ERICH1: variants seen among roughly 807,000 people sequenced by gnomAD.
ERICH1 encodes glutamate-rich protein 1.
A neutral mutation model predicts 39.6 loss-of-function variants in ERICH1; 56 were observed. The ratio of observed to expected loss-of-function variants is 1.41; its 90% CI spans 1.14 to 1.77. The LOEUF is 1.77. Among genes scored for constraint, ERICH1 ranks in the 40% most tolerant of loss-of-function variants. The probability of loss-of-function intolerance (pLI) is 0.00; values close to 1 mark genes in which losing one functional copy is unlikely to be tolerated. For missense variants in ERICH1, 826 were observed against 575.4 expected (o/e 1.44, Z -4.45); for synonymous variants, 313 against 223.6 (o/e 1.40, Z -3.57).
chr8:639,099 C>T (rs1040291728), intron 3 of ERICH1, among the ~76,000 whole-genome samples: 10 of 152,162 alleles, frequency 6.6e-5, no homozygotes, highest in Non-Finnish European at 1.3e-4. Context: ...ATGTCCCCAG[C>T]GTGGCCACCT....
At chr8:727,731 CAGCCGGGCCAGCAA>C (rs1819108328) in intron 1 of ERICH1, among the ~76,000 whole-genome samples, 1 of 152,180 alleles carries the variant, frequency 6.6e-6, no homozygotes. Context: ...ACAGAAGGCC[CAGCCGGGCCAGCAA>C]GGCCGGGCCA....
At chr8:679,457 A>C (rs1165960919) in intron 3 of ERICH1, among the ~76,000 whole-genome samples, 1 of 139,618 alleles carries the variant, frequency 7.2e-6, no homozygotes, top group Non-Finnish European at 1.5e-5. Flanking sequence ...CACCCCTCAC[A>C]GCACCCACCC....
At chr8:642,891 A>G (rs1315424897) in intron 3 of ERICH1, among the ~76,000 whole-genome samples, 1 of 152,152 alleles carries the variant, frequency 6.6e-6, no homozygotes, top group Non-Finnish European at 1.5e-5. Context: ...CTGGGTAACC[A>G]ACAGGAATCC....
At chr8:656,711 T>C (rs1800708760) in intron 3 of ERICH1, 1 of 978,496 alleles carries the variant, frequency 1.0e-6, no homozygotes, top group Non-Finnish European at 1.2e-6. Context: ...GCTGTGTCTT[T>C]CCTGCTGCAG....
chr8:713,831 G>C (rs910697019), intron 2 of ERICH1, among the ~76,000 whole-genome samples: 1 of 152,174 alleles, frequency 6.6e-6, no homozygotes, highest in East Asian at 1.9e-4. Context: ...CCCAGTGAGA[G>C]ACCACCACTA....
At chr8:691,510 C>T (rs1358531121) in intron 3 of ERICH1, among the ~76,000 whole-genome samples, 1 of 152,240 alleles carries the variant, frequency 6.6e-6, no homozygotes, top group African/African-American at 2.4e-5. Context: ...GAGTGAGGGC[C>T]AACGCACTTC....
intron 3 of ERICH1, among the ~76,000 whole-genome samples, chr8:687,834 C>T (rs989298644): frequency 2.0e-5 from 3 of 152,262 alleles, no homozygotes; most frequent in Middle Eastern, 3.4e-3. Context: ...CGCGGAGAGG[C>T]CCCGGATGCA....
At chr8:667,673 G>A (rs1477476727) in intron 5 of ERICH1, 1 of 153,118 alleles carries the variant, frequency 6.5e-6, no homozygotes, top group Non-Finnish European at 1.5e-5. Context: ...TCTGCACGCT[G>A]TGACTCCAGC....
intron 3 of ERICH1, chr8:627,032 C>G: frequency 2.3e-6 from 1 of 444,388 alleles, no homozygotes; most frequent in Non-Finnish European, 4.6e-6. Flanking sequence ...CCGACACTCC[C>G]TTCTGTCTCC....
intron 2 of ERICH1, among the ~76,000 whole-genome samples, chr8:710,091 C>T (rs746964036): frequency 4.6e-5 from 7 of 152,202 alleles, no homozygotes; most frequent in African/African-American, 7.2e-5. Context: ...CCGTCAGAGC[C>T]GTACATTCTT....
At chr8:712,322 A>G (rs1179404308) in intron 2 of ERICH1, among the ~76,000 whole-genome samples, 1 of 152,142 alleles carries the variant, frequency 6.6e-6, no homozygotes, top group African/African-American at 2.4e-5. Flanking sequence ...GATTTCTTTC[A>G]TCAGAGTTCT....
intron 3 of ERICH1, among the ~76,000 whole-genome samples, chr8:620,728 T>C (rs1461215313): frequency 6.6e-6 from 1 of 152,178 alleles, no homozygotes; most frequent in African/African-American, 2.4e-5. Flanking sequence ...TGATAAATGT[T>C]AACATAACAA....
At chr8:684,974 C>A (rs540092026) in intron 3 of ERICH1, among the ~76,000 whole-genome samples, 15 of 152,204 alleles carry the variant, frequency 9.9e-5, no homozygotes, top group Admixed American at 3.9e-4. Context: ...TTTCATGTTC[C>A]ACTGTGCATA....
chr8:674,374 C>A (rs1379644999), intron 3 of ERICH1, among the ~76,000 whole-genome samples: 1 of 145,940 alleles, frequency 6.9e-6, no homozygotes, highest in Non-Finnish European at 1.5e-5. Flanking sequence ...ACAATCTCGG[C>A]TCACTGCAAC....
chr8:725,244 G>A (rs1031994232), intron 1 of ERICH1: 2 of 171,564 alleles, frequency 1.2e-5, no homozygotes, highest in East Asian at 3.7e-4. Flanking sequence ...TGTCTGCTCT[G>A]TTCTCACAGG....
intron 2 of ERICH1, among the ~76,000 whole-genome samples, chr8:714,033 G>A (rs1281722152): frequency 9.5e-6 from 1 of 104,894 alleles, no homozygotes; most frequent in African/African-American, 4.3e-5. Context: ...GGGATGTGCT[G>A]CACCCAGGCG....
intron 2 of ERICH1, among the ~76,000 whole-genome samples, chr8:700,423 AGACGCG>A (rs1563299281): frequency 0.042 from 3,622 of 86,084 alleles, 986 homozygotes; most frequent in Non-Finnish European, 0.055. Context: ...ACAGGCCCGC[AGACGCG>A]CACAGGCCCT....
chr8:673,361 TATC>T lies in ERICH1; in HGVS notation c.988_990del (p.Asp330del). On this transcript the variant is annotated inframe_deletion, in exon 4 of 6. Coordinates refer to ENST00000262109, the MANE Select transcript of ERICH1 (RefSeq NM_207332.3). The stretch of plus-strand genomic sequence containing the variant: ...CTGTGTGCCTTTTCATTGGTAATTG[TATC>T]ATCTTCCTCGCTGGCGTCTGCACCG... The T allele has an allele frequency of 1.2e-6, 2 of 1,613,564 alleles. No individual in the cohort carries two copies. The highest frequency in any genetic ancestry group is 1.7e-6 in the Non-Finnish European group (2 of 1,180,022).
intron 3 of ERICH1, among the ~76,000 whole-genome samples, chr8:688,127 AGGGTCTGCAACCCAGGCG>A (rs895874936): frequency 1.3e-5 from 2 of 152,138 alleles, no homozygotes; most frequent in African/African-American, 2.4e-5. Context: ...GAGAGGAGGG[AGGGTCTGCAACCCAGGCG>A]GGGCAAGTGC....
Sources: allele counts gnomAD v4.1 joint callset (sites outside exome capture counted in the v4.1 genomes callset), GRCh38; gene constraint gnomAD v4.1.1; transcripts MANE v1.5; gene names NCBI Gene and HGNC (gene_info 2026-07-23, HGNC 2026-07-21).